Variants in RUFY1 observed in about 807,000 individuals in gnomAD.
The protein encoded by RUFY1 is RUN and FYVE domain containing 1, also known as RUN and FYVE domain-containing protein 1.
Under a neutral mutation model 94.6 loss-of-function variants are expected in RUFY1, and 54 were observed. The ratio of observed to expected loss-of-function variants is 0.57; its 90% CI spans 0.46 to 0.72. RUFY1 has a LOEUF of 0.72. Ranked by LOEUF, RUFY1 falls within the 30% of genes least tolerant of loss-of-function variation. The probability of loss-of-function intolerance (pLI) is 0.00; values close to 1 mark genes in which losing one functional copy is unlikely to be tolerated. For synonymous variants in RUFY1, 396 were observed against 347.3 expected (o/e 1.14, Z -1.56); for missense variants, 883 against 883.9 (o/e 1.00, Z 0.01).
rs1767026852 is a variant in RUFY1 at position 179,605,861 on chromosome 5, T to TA, written c.1857-15_1857-14insA. On this transcript the variant is annotated splice_polypyrimidine_tract_variant and intron_variant, in intron 15 of 17. Transcript: ENST00000319449. ...CTCTCTCACTGCTATGAAATGGCCT[T>TA]TTTTTTTTCCTTAGGTCCAAGCTGA... 5 of 1,583,352 alleles carry TA rather than the reference T, an allele frequency of 3.2e-6. No homozygotes were observed. The Admixed American group carries it at 6.7e-5, about 21-fold the overall frequency.
intron 1 of RUFY1, among the ~76,000 whole-genome samples, chr5:179,552,864 C>T (rs1761930330): frequency 6.6e-6 from 1 of 152,156 alleles, no homozygotes; most frequent in Non-Finnish European, 1.5e-5. Flanking sequence ...GTGATAGAAA[C>T]AATAGCCAAC....
chr5:179,598,881 G>A (rs1765981986), intron 14 of RUFY1, 60 bp downstream of exon 14: 1 of 1,590,514 alleles, frequency 6.3e-7, no homozygotes, highest in East Asian at 2.2e-5. Flanking sequence ...CCCCTAACAT[G>A]CTCCGGGCAG....
chr5:179,550,846 G>A lies in RUFY1; in HGVS notation c.277G>A (p.Gly93Ser), dbSNP rs1761793432. Residue 93 changes from glycine to serine, a missense_variant, in exon 1 of 18, where the codon GGC becomes AGC. Physicochemically the swap from Gly to Ser is moderately conservative, Grantham distance 56 (BLOSUM62 0). Coordinates refer to ENST00000319449, the MANE Select transcript of RUFY1 (RefSeq NM_025158.5). ...SALRAAAGLG[G>S]GDSGDGTARA... ...GCTGCGCGCGGCCGCGGGGCTGGGCGGCGGGGACAGCGGGGACGGCACGGC... is the reference window on the plus strand; with the variant it reads ...GCTGCGCGCGGCCGCGGGGCTGGGCAGCGGGGACAGCGGGGACGGCACGGC... 15 of 1,220,014 alleles carry A rather than the reference G, an allele frequency of 1.2e-5. No individual in the cohort carries two copies. The Admixed American group carries it at 1.8e-4, about 15-fold the overall frequency. The allele number at this position is 1,220,014 out of a possible 1,614,324, so 75.6% of individuals were successfully genotyped here.
At chr5:179,596,224 C>G (rs890561724) in intron 12 of RUFY1, 2 of 362,514 alleles carry the variant, frequency 5.5e-6, no homozygotes, top group African/African-American at 4.3e-5. Flanking sequence ...ACCATTGATA[C>G]ACATGGAAAC....
In RUFY1 at chr5:179,555,779, C is replaced by T. The variant is rs1195909841; in HGVS notation, c.311-4246C>T. 18 of 295,308 alleles carry T rather than the reference C, an allele frequency of 6.1e-5. 1 individual carries two copies. Among genetic ancestry groups the T allele is most frequent in the South Asian group, 4.0e-4 (16 of 40,076 alleles). 18.3% of individuals were successfully genotyped at this position (295,308 alleles called of 1,614,324 possible). On this transcript the variant is annotated intron_variant, in intron 1 of 17. Coordinates refer to ENST00000319449, the MANE Select transcript of RUFY1 (RefSeq NM_025158.5). Reference sequence around the variant, plus strand: ...AGCAGCTGGGATTACAAGCATGCACCACCACGCCCAGGTAATTTTTTGGAT... The same window carrying T: ...AGCAGCTGGGATTACAAGCATGCACTACCACGCCCAGGTAATTTTTTGGAT...
chr5:179,582,151 G>A (rs995552593), intron 7 of RUFY1, among the ~76,000 whole-genome samples: 7 of 151,004 alleles, frequency 4.6e-5, no homozygotes, highest in African/African-American at 1.7e-4. Context: ...CTGATGTGGT[G>A]TATTTTATTA....
chr5:179,596,771 A>T, intron 13 of RUFY1, 90 bp downstream of exon 13: 1 of 139,424 alleles, frequency 7.2e-6, no homozygotes, highest in Non-Finnish European at 1.2e-5. Flanking sequence ...TTCAGCACGA[A>T]CGGGAGGAGG....
In RUFY1 at chr5:179,551,092, C is replaced by T. The variant is rs576508346; in HGVS notation, c.310+213C>T. 8.2e-4 allele frequency among the ~76,000 whole-genome samples: 100 copies of T among 121,294 alleles called. 1 individual carries two copies. The highest frequency in any genetic ancestry group is 2.5e-3 in the African/African-American group (94 of 37,596). 79.6% of individuals were successfully genotyped at this position (121,294 alleles called of 152,430 possible). A position where few individuals can be genotyped will look rare whatever the true frequency, so the allele number is the denominator to read the frequency against. ...GCAGCCCCGCGTGCCTGAGCGCGCT[C>T]CCGCACCCGCGCCTCTATGCTCTCC... On this transcript the variant is annotated intron_variant, in intron 1 of 17. Coordinates refer to ENST00000319449, the MANE Select transcript of RUFY1 (RefSeq NM_025158.5).
At chr5:179,592,233 C>A (rs1765180266) in intron 10 of RUFY1, among the ~76,000 whole-genome samples, 3 of 152,180 alleles carry the variant, frequency 2.0e-5, no homozygotes, top group Non-Finnish European at 4.4e-5. Flanking sequence ...AATTCTCCTG[C>A]CTCAGCCTCC....
intron 15 of RUFY1, chr5:179,602,713 G>T (rs947705200): frequency 6.6e-6 from 1 of 152,326 alleles, no homozygotes; most frequent in Non-Finnish European, 1.5e-5. Flanking sequence ...GAAGCCATCA[G>T]GAATCGGTCT....
In RUFY1 at chr5:179,577,083, AATAG is replaced by A; in HGVS notation, c.840_843del (p.Asp281PhefsTer37). Reference sequence around the variant, plus strand: ...CATTTTATTTCGTTTAGGTTGGAGTAATAGATTTTTCCCTCTACCTTAAGGATGT... The same window carrying A: ...CATTTTATTTCGTTTAGGTTGGAGTAATTTTTCCCTCTACCTTAAGGATGT... On this transcript the variant is annotated frameshift_variant, in exon 6 of 18. Coordinates refer to ENST00000319449, the MANE Select transcript of RUFY1 (RefSeq NM_025158.5). LOFTEE classifies it high-confidence loss of function. 6.3e-7 allele frequency: 1 copy of A among 1,592,098 alleles called. No homozygotes were observed. Among genetic ancestry groups the A allele is most frequent in the Non-Finnish European group, 8.6e-7 (1 of 1,163,872 alleles).
intron 1 of RUFY1, among the ~76,000 whole-genome samples, chr5:179,552,541 G>A (rs1341072283): frequency 6.6e-6 from 1 of 152,176 alleles, no homozygotes; most frequent in Non-Finnish European, 1.5e-5. Flanking sequence ...TGGGCAGGCC[G>A]GGAATCTACT....
At chr5:179,599,680 T>A (rs1766122213) in intron 14 of RUFY1, 1 of 152,448 alleles carries the variant, frequency 6.6e-6, no homozygotes, top group South Asian at 2.1e-4. Context: ...GAGGAGGCTC[T>A]GCGATCCTGG....
chr5:179,608,103 C>T (rs1464810540), intron 17 of RUFY1, among the ~76,000 whole-genome samples: 1 of 152,174 alleles, frequency 6.6e-6, no homozygotes, highest in African/African-American at 2.4e-5. Context: ...CCTTTAGGTT[C>T]TGGAAACAAG....
intron 2 of RUFY1, among the ~76,000 whole-genome samples, chr5:179,561,626 G>A (rs1762457540): frequency 2.0e-5 from 3 of 150,844 alleles, no homozygotes; most frequent in Admixed American, 6.6e-5. Context: ...AGGAAAAAAA[G>A]GGGGAAGAAT....
chr5:179,595,314 C>G (rs541321530), intron 12 of RUFY1, among the ~76,000 whole-genome samples: 1 of 152,200 alleles, frequency 6.6e-6, no homozygotes, highest in East Asian at 1.9e-4. Flanking sequence ...CCCGTCTCTA[C>G]TAAAAATACA....
intron 12 of RUFY1, among the ~76,000 whole-genome samples, chr5:179,595,375 AAAG>A (rs1201295888): frequency 9.9e-5 from 15 of 152,096 alleles, no homozygotes; most frequent in Non-Finnish European, 1.5e-4. Flanking sequence ...CAAAACAAAA[AAAG>A]GAGGGGGCAA....
chr5:179,595,892 C>A, intron 12 of RUFY1: 1 of 154,254 alleles, frequency 6.5e-6, no homozygotes, highest in Non-Finnish European at 1.4e-5. Flanking sequence ...CTGATGAGGA[C>A]ACGGAGCTAA....
intron 1 of RUFY1, chr5:179,559,796 A>G: frequency 7.8e-7 from 1 of 1,283,558 alleles, no homozygotes; most frequent in Non-Finnish European, 9.9e-7. Context: ...CTGGAGCAGG[A>G]GGCCCAGTGG....
Sources: gnomAD v4.1 joint callset for allele counts (sites outside exome capture counted in the v4.1 genomes callset) on GRCh38, gnomAD v4.1.1 for gene constraint, MANE v1.5 for transcripts, NCBI Gene and HGNC (gene_info 2026-07-23, HGNC 2026-07-21) for gene names.